Variants in ZNF423 observed in about 807,000 individuals in gnomAD.
ZNF423 encodes the protein Ebf-associated zinc finger protein.
A neutral mutation model predicts 95.8 loss-of-function variants in ZNF423; 12 were observed. The observed-to-expected ratio is 0.13, with a 90% CI of 0.08 to 0.20. The LOEUF is 0.20. Among genes scored for constraint, ZNF423 ranks in the 10% least tolerant of loss-of-function variants. The pLI is 1.00. For synonymous variants in ZNF423, 749 were observed against 711.9 expected (o/e 1.05, Z -0.83); for missense variants, 1,316 against 1,737.1 (o/e 0.76, Z 4.31).
At chr16:49,668,421 T>C (rs2151922623) in intron 3 of ZNF423, among the ~76,000 whole-genome samples, 1 of 152,280 alleles carries the variant, frequency 6.6e-6, no homozygotes, top group East Asian at 1.9e-4. Context: ...AGGCAGGTCC[T>C]CCTGGGATCT....
At chr16:49,513,796 G>T (rs1354165891) in intron 7 of ZNF423, among the ~76,000 whole-genome samples, 1 of 152,144 alleles carries the variant, frequency 6.6e-6, no homozygotes, top group Non-Finnish European at 1.5e-5. Context: ...TAAACCAAGG[G>T]CTGGAGAAAC....
intron 5 of ZNF423, among the ~76,000 whole-genome samples, chr16:49,568,918 C>G (rs1295817972): frequency 6.6e-6 from 1 of 152,088 alleles, no homozygotes; most frequent in African/African-American, 2.4e-5. Flanking sequence ...GCCTTCCCAC[C>G]GCCAGACCTT....
chr16:49,806,040 GT>G (rs2034658048), intron 1 of ZNF423, among the ~76,000 whole-genome samples: 1 of 152,230 alleles, frequency 6.6e-6, no homozygotes, highest in Non-Finnish European at 1.5e-5. Flanking sequence ...TAATCTCCTC[GT>G]TCATACATGT....
At chr16:49,742,238 A>G (rs1431316481) in intron 2 of ZNF423, among the ~76,000 whole-genome samples, 2 of 152,102 alleles carry the variant, frequency 1.3e-5, no homozygotes, top group African/African-American at 4.8e-5. Flanking sequence ...GAAGGTAAAG[A>G]GAGATGGCAG....
At chr16:49,551,861 G>C (rs1969653091) in intron 5 of ZNF423, among the ~76,000 whole-genome samples, 1 of 152,158 alleles carries the variant, frequency 6.6e-6, no homozygotes, top group Non-Finnish European at 1.5e-5. Flanking sequence ...CAAGGTGTTT[G>C]GACACCTGGA....
At chr16:49,743,273 AC>A (rs1476645865) in intron 2 of ZNF423, among the ~76,000 whole-genome samples, 3 of 151,998 alleles carry the variant, frequency 2.0e-5, no homozygotes, top group Non-Finnish European at 2.9e-5. Flanking sequence ...GTGAATCTGC[AC>A]CCCCACAGGG....
intron 3 of ZNF423, among the ~76,000 whole-genome samples, chr16:49,670,108 G>A (rs1224834831): frequency 1.3e-5 from 2 of 152,200 alleles, no homozygotes; most frequent in African/African-American, 4.8e-5. Context: ...TCACGCCAGG[G>A]CTGGATGCTC....
At chr16:49,513,570 C>T (rs1474633359) in intron 7 of ZNF423, among the ~76,000 whole-genome samples, 4 of 152,112 alleles carry the variant, frequency 2.6e-5, no homozygotes, top group African/African-American at 9.7e-5. Context: ...CCTTTTCCTC[C>T]TTTCCTGCTT....
At chr16:49,501,049 C>G (rs1251532261) in intron 7 of ZNF423, among the ~76,000 whole-genome samples, 1 of 152,124 alleles carries the variant, frequency 6.6e-6, no homozygotes, top group East Asian at 1.9e-4. Context: ...GCAGGGGTAC[C>G]AATGCTCAGA....
chr16:49,508,385 T>A (rs1967742001), intron 7 of ZNF423, among the ~76,000 whole-genome samples: 1 of 151,934 alleles, frequency 6.6e-6, no homozygotes, highest in South Asian at 2.1e-4. Context: ...CTGGGTATAG[T>A]GGTGTGCACC....
chr16:49,824,559 C>G (rs1488162577), intron 1 of ZNF423, among the ~76,000 whole-genome samples: 1 of 152,166 alleles, frequency 6.6e-6, no homozygotes, highest in African/African-American at 2.4e-5. Flanking sequence ...GAGTGGCACT[C>G]AAATCCTCAG....
intron 7 of ZNF423, among the ~76,000 whole-genome samples, chr16:49,515,271 G>C (rs1968089479): frequency 6.6e-6 from 1 of 152,256 alleles, no homozygotes; most frequent in Admixed American, 6.5e-5. Flanking sequence ...TCACCCAGGA[G>C]CAATTTTTCT....
At chr16:49,500,494 A>T (rs1413007058) in intron 7 of ZNF423, among the ~76,000 whole-genome samples, 1 of 152,206 alleles carries the variant, frequency 6.6e-6, no homozygotes, top group Non-Finnish European at 1.5e-5. Context: ...CCCTGCCCTA[A>T]AAGAGCCTGA....
chr16:49,802,477 A>G (rs1165169966), intron 1 of ZNF423, among the ~76,000 whole-genome samples: 3 of 152,200 alleles, frequency 2.0e-5, no homozygotes, highest in Non-Finnish European at 4.4e-5. Flanking sequence ...CACTTTCTGC[A>G]GTGTAAATGC....
Position 49,635,251 on chromosome 16 carries a change from T to C in ZNF423, c.3516+409A>G, listed in dbSNP as rs1972644235. Among the ~76,000 whole-genome samples, 1 of 152,062 alleles carries C rather than the reference T, an allele frequency of 6.6e-6. No homozygotes were observed. Among genetic ancestry groups the C allele is most frequent in the Non-Finnish European group, 1.5e-5 (1 of 68,014 alleles). On this transcript the variant is annotated intron_variant, in intron 4 of 7. Coordinates refer to ENST00000563137, the MANE Select transcript of ZNF423 (RefSeq NM_001379286.1). The surrounding 1 kb of genome is among the most constrained non-coding windows in gnomAD (Gnocchi z 4.8). ...CAGTGACTTGCCTAAGGAGACCCAA[T>C]AAGCAAATGAGTATGTCATACCCCA...
chr16:49,770,757 G>A (rs980831370), intron 2 of ZNF423, among the ~76,000 whole-genome samples: 16 of 152,172 alleles, frequency 1.1e-4, no homozygotes, highest in African/African-American at 3.6e-4. Flanking sequence ...TCATCTCCGG[G>A]CCCTACTACA....
At chr16:49,698,271 A>C (rs1040441580) in intron 3 of ZNF423, among the ~76,000 whole-genome samples, 2 of 151,908 alleles carry the variant, frequency 1.3e-5, no homozygotes, top group Non-Finnish European at 2.9e-5. Context: ...CCCCCGAAGC[A>C]AGGAGGGCAT....
At chr16:49,561,699 C>T (rs901534589) in intron 5 of ZNF423, among the ~76,000 whole-genome samples, 5 of 152,204 alleles carry the variant, frequency 3.3e-5, no homozygotes, top group African/African-American at 1.2e-4. Context: ...ATTAAACACA[C>T]TTCTAATTTC....
At chr16:49,545,824 C>T (rs1056722605) in intron 5 of ZNF423, among the ~76,000 whole-genome samples, 1 of 152,152 alleles carries the variant, frequency 6.6e-6, no homozygotes, top group Non-Finnish European at 1.5e-5. Flanking sequence ...TAACTACCTG[C>T]CAGGCATTCA....
Sources: gnomAD v4.1 joint callset for allele counts (sites outside exome capture counted in the v4.1 genomes callset) on GRCh38, gnomAD v4.1.1 for gene constraint, Gnocchi (gnomAD v3.1) non-coding constraint, MANE v1.5 for transcripts, NCBI Gene and HGNC (gene_info 2026-07-23, HGNC 2026-07-21) for gene names.